VWA8: variants seen among roughly 807,000 people sequenced by gnomAD.
The protein encoded by VWA8 is von Willebrand factor A domain-containing protein 8.
Under a neutral mutation model 241.5 loss-of-function variants are expected in VWA8, and 221 were observed. The observed-to-expected ratio is 0.91, with a 90% CI of 0.82 to 1.02. VWA8 has a LOEUF of 1.02. VWA8 is among the 50% of genes least tolerant of loss of function. VWA8 has a pLI of 0.00. For missense variants in VWA8, 2,322 were observed against 2,328.7 expected (o/e 1.00, Z 0.06); for synonymous variants, 852 against 827.1 (o/e 1.03, Z -0.52).
At chr13:41,755,122 T>C (rs1057000856) in intron 21 of VWA8, among the ~76,000 whole-genome samples, 1 of 152,092 alleles carries the variant, frequency 6.6e-6, no homozygotes, top group African/African-American at 2.4e-5. Flanking sequence ...TGTGGGTATA[T>C]ACCCAGCAGT....
At chr13:41,705,834 C>T (rs954334316) in intron 26 of VWA8, among the ~76,000 whole-genome samples, 1 of 152,120 alleles carries the variant, frequency 6.6e-6, no homozygotes, top group Non-Finnish European at 1.5e-5. Flanking sequence ...TGTCTTGATA[C>T]TCTGAAGTGA....
intron 21 of VWA8, among the ~76,000 whole-genome samples, chr13:41,740,132 G>A (rs755702264): frequency 3.0e-4 from 46 of 152,028 alleles, no homozygotes; most frequent in Non-Finnish European, 6.3e-4. Flanking sequence ...TGGGATTACA[G>A]GAGTGAGCCA....
chr13:41,926,296 T>G (rs1876829995), intron 2 of VWA8: 5 of 619,106 alleles, frequency 8.1e-6, no homozygotes, highest in Non-Finnish European at 1.5e-5. Flanking sequence ...TTGGACTTGA[T>G]ACTAAATGAT....
chr13:41,649,860 T>C (rs919177093), intron 37 of VWA8, among the ~76,000 whole-genome samples: 1 of 152,088 alleles, frequency 6.6e-6, no homozygotes, highest in Non-Finnish European at 1.5e-5. Context: ...CCACCAGGGG[T>C]AGCTTGCACA....
In VWA8 at chr13:41,701,434, A is replaced by C; in HGVS notation, c.3322T>G (p.Leu1108Val). 1 of 1,611,240 alleles carries C rather than the reference A, an allele frequency of 6.2e-7. No homozygotes were observed. The highest frequency in any genetic ancestry group is 8.5e-7 in the Non-Finnish European group (1 of 1,178,946). Residue 1108 changes from leucine to valine, a missense_variant, in exon 28 of 45, where the codon TTG becomes GTG. Leu to Val is a conservative substitution (Grantham distance 32). Coordinates refer to ENST00000379310, the MANE Select transcript of VWA8 (RefSeq NM_015058.2). ...TEECASWRIP[L>V]DEINIICDIA... ...TCACAGATTATATTAATTTCATCCA[A>C]TGGTATTCTCCATGAGGCACATTCT...
intron 37 of VWA8, among the ~76,000 whole-genome samples, chr13:41,667,325 A>C (rs1407131371): frequency 6.6e-6 from 1 of 152,242 alleles, no homozygotes; most frequent in African/African-American, 2.4e-5. Context: ...AATAGTGCTA[A>C]ACATAAATTA....
At chr13:41,849,067 AT>A (rs910965066) in intron 12 of VWA8, among the ~76,000 whole-genome samples, 1 of 152,156 alleles carries the variant, frequency 6.6e-6, no homozygotes, top group African/African-American at 2.4e-5. Flanking sequence ...CTTCTCTGTT[AT>A]TTTTGGCTCT....
chr13:41,920,171 T>G (rs1208454873), intron 2 of VWA8, among the ~76,000 whole-genome samples: 1 of 152,098 alleles, frequency 6.6e-6, no homozygotes, highest in Non-Finnish European at 1.5e-5. Flanking sequence ...GAGTAATTAG[T>G]GTGTGACATC....
intron 35 of VWA8, among the ~76,000 whole-genome samples, chr13:41,683,142 C>G (rs1176716289): frequency 1.3e-5 from 2 of 151,968 alleles, no homozygotes; most frequent in African/African-American, 4.8e-5. Flanking sequence ...CACAAATGTT[C>G]ATAGTGGCCT....
intron 21 of VWA8, among the ~76,000 whole-genome samples, chr13:41,758,324 T>C (rs987638536): frequency 1.0e-4 from 15 of 144,214 alleles, no homozygotes; most frequent in African/African-American, 3.8e-4. Flanking sequence ...TTTATACTAC[T>C]GTAAATAGTA....
intron 39 of VWA8, among the ~76,000 whole-genome samples, chr13:41,607,013 A>C (rs1377904297): frequency 6.6e-6 from 1 of 152,194 alleles, no homozygotes; most frequent in East Asian, 1.9e-4. Flanking sequence ...TTTCCATAGT[A>C]GGAAATGTTT....
At chr13:41,827,121 G>A (rs528240066) in intron 14 of VWA8, among the ~76,000 whole-genome samples, 3 of 152,194 alleles carry the variant, frequency 2.0e-5, no homozygotes, top group African/African-American at 7.2e-5. Flanking sequence ...CTCTTCATAT[G>A]TAAGTAATTA....
At chr13:41,878,735 G>A (rs919525759) in intron 9 of VWA8, among the ~76,000 whole-genome samples, 1 of 151,772 alleles carries the variant, frequency 6.6e-6, no homozygotes, top group Non-Finnish European at 1.5e-5. Flanking sequence ...ATTTTTCTAC[G>A]TTCCCCTTAA....
At chr13:41,806,252 T>C (rs1321267461) in intron 17 of VWA8, among the ~76,000 whole-genome samples, 1 of 152,188 alleles carries the variant, frequency 6.6e-6, no homozygotes, top group South Asian at 2.1e-4. Flanking sequence ...GAAAAGTCTA[T>C]AGCCATAAAA....
intron 21 of VWA8, among the ~76,000 whole-genome samples, chr13:41,733,094 C>T (rs1197545527): frequency 6.6e-6 from 1 of 152,150 alleles, no homozygotes; most frequent in Admixed American, 6.5e-5. Flanking sequence ...TGACTATCTA[C>T]TATGTATAAG....
chr13:41,611,814 C>T, intron 38 of VWA8, 82 bp from the exon 39 acceptor site: 1 of 1,492,886 alleles, frequency 6.7e-7, no homozygotes, highest in Non-Finnish European at 9.2e-7. Context: ...TTAGGACAGC[C>T]TTGTGGAGGA....
chr13:41,570,171 C>T (rs1356726924), intron 44 of VWA8, among the ~76,000 whole-genome samples: 1 of 151,986 alleles, frequency 6.6e-6, no homozygotes, highest in African/African-American at 2.4e-5. Flanking sequence ...CATAAAGTGC[C>T]AAATGTATAA....
intron 21 of VWA8, among the ~76,000 whole-genome samples, chr13:41,754,782 G>A (rs909540522): frequency 6.6e-6 from 1 of 151,932 alleles, no homozygotes; most frequent in Non-Finnish European, 1.5e-5. Flanking sequence ...TGGTGACCAC[G>A]CTTCTGCTCT....
rs754241542 is a variant in VWA8 at position 41,721,556 on chromosome 13, A to G, written c.2778T>C (p.His926=). 1 of 1,612,968 alleles carries G rather than the reference A, an allele frequency of 6.2e-7. No individual in the cohort carries two copies. Among genetic ancestry groups the G allele is most frequent in the Non-Finnish European group, 8.5e-7 (1 of 1,179,388 alleles). ...AGTGGGGTTTGGGGTTATCAACTGC[A>G]TGGCAGCTAAAAATATCACCTAAAG... The part of the protein sequence containing the change: ...FGTLGDIFSC[H]AVDNPKPHSE... Residue 926 remains histidine, a synonymous_variant, in exon 25 of 45, where the codon CAT becomes CAC. Coordinates refer to ENST00000379310, the MANE Select transcript of VWA8 (RefSeq NM_015058.2).
Sources: gnomAD v4.1 joint callset for allele counts (sites outside exome capture counted in the v4.1 genomes callset) on GRCh38, gnomAD v4.1.1 for gene constraint, MANE v1.5 for transcripts, NCBI Gene and HGNC (gene_info 2026-07-23, HGNC 2026-07-21) for gene names.